The following ZNF30 variants were observed in gnomAD, a reference collection of about 807,000 sequenced individuals.
The protein encoded by ZNF30 is zinc finger protein 30 (KOX 28).
ZNF30 carries 15 observed loss-of-function variants against 13.2 expected under a neutral mutation model. That is an observed-to-expected ratio of 1.13 (90% CI 0.76 to 1.75). The LOEUF is 1.75. ZNF30 is among the 40% of genes most tolerant of loss of function. The probability of loss-of-function intolerance (pLI) is 0.00; values close to 1 mark genes in which losing one functional copy is unlikely to be tolerated. For synonymous variants in ZNF30, 223 were observed against 256.6 expected, an observed-to-expected ratio of 0.87 and a Z score of 1.25; for missense variants, 726 against 757.0, an observed-to-expected ratio of 0.96 and a Z score of 0.48.
At chr19:34,940,235 G>C (rs1204981344) in intron 4 of ZNF30, among the ~76,000 whole-genome samples, 1 of 152,184 alleles carries the variant, frequency 6.6e-6, no homozygotes, top group African/African-American at 2.4e-5. Flanking sequence ...TCTGTTCTCA[G>C]TGTCCCCTGT....
chr19:34,943,927 T>A lies in ZNF30; in HGVS notation c.961T>A (p.Cys321Ser). 6.2e-7 allele frequency: 1 copy of A among 1,613,952 alleles called. No homozygotes were observed. The highest frequency in any genetic ancestry group is 8.5e-7 in the Non-Finnish European group (1 of 1,179,964). Residue 321 changes from cysteine to serine, a missense_variant, in exon 5 of 5, where the codon TGT becomes AGT. Coordinates refer to ENST00000601142, the MANE Select transcript of ZNF30 (RefSeq NM_194325.3). ...CGAGAAACCCTATGAATGTAAGGAG[T>A]GTGGGAAGTCCTTCACTGTGTATGG... ...TGEKPYECKE[C>S]GKSFTVYGQL...
intron 4 of ZNF30, among the ~76,000 whole-genome samples, chr19:34,937,232 C>T (rs1303858847): frequency 2.0e-5 from 3 of 151,936 alleles, no homozygotes; most frequent in Non-Finnish European, 4.4e-5. Context: ...AGGTCGGTTT[C>T]GAACTCCTGA....
At chr19:34,940,879 A>G (rs1269285276) in intron 4 of ZNF30, among the ~76,000 whole-genome samples, 1 of 152,066 alleles carries the variant, frequency 6.6e-6, no homozygotes, top group African/African-American at 2.4e-5. Context: ...TCCCATCCCT[A>G]ATCCAAAGAG....
intron 4 of ZNF30, among the ~76,000 whole-genome samples, chr19:34,940,365 T>A (rs924513401): frequency 1.3e-5 from 2 of 152,112 alleles, no homozygotes; most frequent in African/African-American, 4.8e-5. Context: ...TTTCTGTTCT[T>A]TTATTTCAAA....
chr19:34,932,748 C>T (rs907581137), intron 3 of ZNF30, among the ~76,000 whole-genome samples: 1 of 151,338 alleles, frequency 6.6e-6, no homozygotes, highest in African/African-American at 2.4e-5. Context: ...TTAGGTTCCA[C>T]AATCCGCGTT....
At chr19:34,939,128 TCCCCTCCCCTC>T (rs2012894183) in intron 4 of ZNF30, among the ~76,000 whole-genome samples, 3 of 67,376 alleles carry the variant, frequency 4.5e-5, no homozygotes, top group African/African-American at 8.5e-5. Context: ...TTGTCTCCCC[TCCCCTCCCCTC>T]CCCTCCCCTC....
chr19:34,943,758 G>C lies in ZNF30; in HGVS notation c.792G>C (p.Glu264Asp), dbSNP rs1016764740. ...HTGEKPFGCEECGKAFSTFSY... is the reference protein window; with the variant it reads ...HTGEKPFGCEDCGKAFSTFSY... ...GTGAAAAACCCTTTGGGTGTGAGGA[G>C]TGTGGGAAGGCCTTCAGTACCTTTT... is the stretch of plus-strand genomic sequence containing the variant. Residue 264 changes from glutamate to aspartate, a missense_variant, in exon 5 of 5, where the codon GAG (glutamate) becomes GAC (aspartate). Physicochemically the swap from Glu to Asp is conservative, Grantham distance 45. Coordinates refer to ENST00000601142, the MANE Select transcript of ZNF30 (RefSeq NM_194325.3). 1 of 1,613,750 alleles carries C rather than the reference G, an allele frequency of 6.2e-7. No individual in the cohort carries two copies.
intron 4 of ZNF30, among the ~76,000 whole-genome samples, chr19:34,937,855 G>C (rs2012824338): frequency 6.6e-6 from 1 of 152,146 alleles, no homozygotes; most frequent in Non-Finnish European, 1.5e-5. Flanking sequence ...CTAGAGTGCA[G>C]TGGTGCAATC....
At chr19:34,940,206 A>G (rs1008927308) in intron 4 of ZNF30, among the ~76,000 whole-genome samples, 1 of 152,136 alleles carries the variant, frequency 6.6e-6, no homozygotes. Context: ...TAACACAGAG[A>G]TAGGGGATTT....
chr19:34,923,987 A>T (rs2011986963), upstream of ZNF30: 1 of 152,246 alleles, frequency 6.6e-6, no homozygotes, highest in East Asian at 1.9e-4. Context: ...GACAGTGGCC[A>T]GAGAAAGTTT....
At chr19:34,942,021 T>C (rs1187081311) in intron 4 of ZNF30, among the ~76,000 whole-genome samples, 1 of 152,248 alleles carries the variant, frequency 6.6e-6, no homozygotes, top group Non-Finnish European at 1.5e-5. Context: ...TCTTAGTTTA[T>C]TCTCAAGAAG....
intron 4 of ZNF30, among the ~76,000 whole-genome samples, chr19:34,935,773 A>G (rs1018457564): frequency 1.5e-5 from 2 of 131,172 alleles, no homozygotes; most frequent in African/African-American, 2.9e-5. Flanking sequence ...GTATTTGTTT[A>G]AATTCAAAAA....
At chr19:34,929,174 G>C (rs745328930) in intron 1 of ZNF30, among the ~76,000 whole-genome samples, 2 of 152,158 alleles carry the variant, frequency 1.3e-5, no homozygotes, top group Non-Finnish European at 2.9e-5. Flanking sequence ...AGCTACTCGG[G>C]AGGGAGGCAG....
chr19:34,931,236 C>T (rs1484829733), intron 2 of ZNF30, among the ~76,000 whole-genome samples: 1 of 152,022 alleles, frequency 6.6e-6, no homozygotes, highest in Non-Finnish European at 1.5e-5. Flanking sequence ...TGAGTTTCAC[C>T]GCATAGGCCA....
chr19:34,933,176 C>G (rs1385753151), intron 3 of ZNF30, among the ~76,000 whole-genome samples: 1 of 151,900 alleles, frequency 6.6e-6, no homozygotes, highest in Non-Finnish European at 1.5e-5. Context: ...AACCTTTCGG[C>G]TGGGTGTGGT....
chr19:34,924,982 A>C (rs145157805), upstream of ZNF30, among the ~76,000 whole-genome samples: 303 of 152,310 alleles, frequency 2.0e-3, 2 homozygotes, highest in African/African-American at 7.0e-3. Context: ...AATGCTTTTG[A>C]TGCGAGGCTA....
chr19:34,942,894 G>T (rs1231861387), intron 4 of ZNF30, among the ~76,000 whole-genome samples: 1 of 152,198 alleles, frequency 6.6e-6, no homozygotes. Flanking sequence ...ACATTTGTTA[G>T]AAAGGTTGAC....
At chr19:34,929,765 A>G in intron 1 of ZNF30, 119 bp from the exon 2 acceptor site, 1 of 546,558 alleles carries the variant, frequency 1.8e-6, no homozygotes. Flanking sequence ...TGTTCTCCAA[A>G]TTTTGTTTGA....
chr19:34,944,952 C>T lies in ZNF30; in HGVS notation c.*114C>T, dbSNP rs1199899504. The T allele has an allele frequency of 2.1e-6, 2 of 953,256 alleles. No homozygotes were observed. Among genetic ancestry groups the T allele is most frequent in the Non-Finnish European group, 3.0e-6 (2 of 673,458 alleles). The allele number at this position is 953,256 out of a possible 1,614,324, so 59.0% of individuals were successfully genotyped here. ...TGAAGAATATTGGCAGGTCTATTCT[C>T]ATCTTATAATTCATAATATAACTCA... On this transcript the variant is annotated 3_prime_UTR_variant, in exon 5 of 5. Coordinates refer to ENST00000601142, the MANE Select transcript of ZNF30 (RefSeq NM_194325.3).
Sources: gnomAD v4.1 joint callset for allele counts (sites outside exome capture counted in the v4.1 genomes callset) on GRCh38, gnomAD v4.1.1 for gene constraint, MANE v1.5 for transcripts, NCBI Gene and HGNC (gene_info 2026-07-23, HGNC 2026-07-21) for gene names.